The following DTNA variants were observed in gnomAD, a reference collection of about 807,000 sequenced individuals.
DTNA encodes the protein dystrophin-related protein 3.
DTNA carries 43 observed loss-of-function variants against 100.7 expected under a neutral mutation model. The ratio of observed to expected loss-of-function variants is 0.43; its 90% CI spans 0.33 to 0.55. The LOEUF (loss-of-function observed/expected upper bound fraction) is 0.55. DTNA is among the 20% of genes least tolerant of loss of function. The pLI is 0.04. For synonymous variants in DTNA, 349 were observed against 347.9 expected (o/e 1.00, Z -0.04); for missense variants, 798 against 953.9 (o/e 0.84, Z 2.15).
At chr18:34,578,393 A>G (rs2048317060) in intron 1 of DTNA, among the ~76,000 whole-genome samples, 2 of 150,458 alleles carry the variant, frequency 1.3e-5, no homozygotes, top group Admixed American at 1.3e-4. Context: ...TCAGATGTAT[A>G]CATTGTGAAT....
At chr18:34,845,378 T>A (rs2096357996) in intron 13 of DTNA, among the ~76,000 whole-genome samples, 1 of 152,172 alleles carries the variant, frequency 6.6e-6, no homozygotes, top group African/African-American at 2.4e-5. Flanking sequence ...GGAGGCTTTT[T>A]AAAAATATAA....
At chr18:34,880,130 G>C (rs964907545) in intron 20 of DTNA, among the ~76,000 whole-genome samples, 1 of 152,166 alleles carries the variant, frequency 6.6e-6, no homozygotes, top group African/African-American at 2.4e-5. Flanking sequence ...TCCAGAATTG[G>C]TGTAAACAAC....
chr18:34,653,098 T>C (rs2073839130), intron 1 of DTNA, among the ~76,000 whole-genome samples: 1 of 152,306 alleles, frequency 6.6e-6, no homozygotes, highest in East Asian at 1.9e-4. Flanking sequence ...GATGGGTGAA[T>C]AGTATGTTTT....
At chr18:34,665,548 T>C (rs572351716) in intron 1 of DTNA, among the ~76,000 whole-genome samples, 1 of 152,306 alleles carries the variant, frequency 6.6e-6, no homozygotes, top group African/African-American at 2.4e-5. Flanking sequence ...ACATTAGGTA[T>C]ATCTCCTAAT....
rs552742262 is a variant in DTNA at position 34,578,968 on chromosome 18, CTTAT to C, written c.-2+85457_-2+85460del. Among the ~76,000 whole-genome samples the C allele has an allele frequency of 1.9e-3, 285 of 151,966 alleles. 1 individual carries two copies. The highest frequency in any genetic ancestry group is 3.0e-3 in the Non-Finnish European group (203 of 67,904). On this transcript the variant is annotated intron_variant, in intron 1 of 19. Transcript: ENST00000283365. ...ACATCTGTTTTTTGTTCCTGTGTTC[CTTAT>C]TTGTTTGCTTTCCTTTGAGCTAATT...
intron 1 of DTNA, among the ~76,000 whole-genome samples, chr18:34,659,199 TTATAAATTTTCTAGTA>T (rs2074819721): frequency 6.6e-6 from 1 of 152,142 alleles, no homozygotes; most frequent in Admixed American, 6.6e-5. Flanking sequence ...ACATATGTAA[TTATAAATTTTCTAGTA>T]GCCACATTAA....
chr18:34,795,093 T>C (rs757772238), intron 4 of DTNA, among the ~76,000 whole-genome samples: 14 of 152,176 alleles, frequency 9.2e-5, no homozygotes, highest in Non-Finnish European at 1.8e-4. Context: ...CCCCCTCCAC[T>C]TCCACTGCTT....
At chr18:34,876,463 C>A (rs992011227) in intron 18 of DTNA, among the ~76,000 whole-genome samples, 1 of 151,734 alleles carries the variant, frequency 6.6e-6, no homozygotes, top group Non-Finnish European at 1.5e-5. Context: ...TAGACACCAC[C>A]AAAACAAAAA....
chr18:34,612,460 A>T (rs749187240), intron 1 of DTNA, among the ~76,000 whole-genome samples: 11 of 152,162 alleles, frequency 7.2e-5, no homozygotes, highest in Non-Finnish European at 1.5e-4. Flanking sequence ...GAATGAACTC[A>T]TAGGAGGCCA....
chr18:34,679,068 TA>T (rs2077740959), intron 1 of DTNA, among the ~76,000 whole-genome samples: 2 of 152,258 alleles, frequency 1.3e-5, no homozygotes, highest in South Asian at 4.1e-4. Flanking sequence ...ATTATGTCAA[TA>T]AAATATCCCA....
chr18:34,681,083 AAT>A (rs1209976288), intron 1 of DTNA, among the ~76,000 whole-genome samples: 5 of 152,100 alleles, frequency 3.3e-5, no homozygotes, highest in African/African-American at 4.8e-5. Flanking sequence ...GCTGATCTTC[AAT>A]TTGATCCACC....
intron 3 of DTNA, among the ~76,000 whole-genome samples, chr18:34,781,194 T>A (rs1184971359): frequency 6.6e-6 from 1 of 152,190 alleles, no homozygotes; most frequent in Non-Finnish European, 1.5e-5. Flanking sequence ...ATCACTCACT[T>A]GATTTTCATT....
intron 1 of DTNA, among the ~76,000 whole-genome samples, chr18:34,701,042 C>T (rs1568255298): frequency 6.6e-6 from 1 of 152,148 alleles, no homozygotes; most frequent in Non-Finnish European, 1.5e-5. Context: ...TTTTCTCTCT[C>T]ACATGCTCCG....
At chr18:34,693,315 A>G (rs1232276372) in intron 1 of DTNA, among the ~76,000 whole-genome samples, 1 of 152,182 alleles carries the variant, frequency 6.6e-6, no homozygotes, top group Non-Finnish European at 1.5e-5. Flanking sequence ...AGAGTCATAG[A>G]ATATCATAGA....
intron 1 of DTNA, among the ~76,000 whole-genome samples, chr18:34,511,169 C>T (rs1302032588): frequency 6.6e-6 from 1 of 152,026 alleles, no homozygotes; most frequent in African/African-American, 2.4e-5. Flanking sequence ...GGCATTCTTA[C>T]CCTACTGGCT....
chr18:34,532,076 A>G (rs983221047), intron 1 of DTNA, among the ~76,000 whole-genome samples: 8 of 152,168 alleles, frequency 5.3e-5, no homozygotes, highest in African/African-American at 1.9e-4. Context: ...CCATTATTGT[A>G]AAAGCCCCTT....
At chr18:34,669,337 G>T (rs953226107) in intron 1 of DTNA, among the ~76,000 whole-genome samples, 1 of 152,092 alleles carries the variant, frequency 6.6e-6, no homozygotes, top group Non-Finnish European at 1.5e-5. Context: ...CGTGAGATGG[G>T]TTTCCTGAAT....
chr18:34,768,532 T>G lies in DTNA; in HGVS notation c.148+2491T>G, dbSNP rs542331120. On this transcript the variant is annotated intron_variant, in intron 3 of 22. Transcript: ENST00000444659. ...CCTCCTGCTCTCTGAGAAAGGCACT[T>G]TCTCATTCTTGGGCATTTCCTTTTC... Among the ~76,000 whole-genome samples the G allele has an allele frequency of 2.6e-5, 4 of 152,282 alleles. 1 individual carries two copies. In the East Asian group the frequency reaches 7.7e-4, roughly 29 times the overall value.
At chr18:34,516,471 C>G (rs2041630448) in intron 1 of DTNA, among the ~76,000 whole-genome samples, 1 of 152,016 alleles carries the variant, frequency 6.6e-6, no homozygotes, top group Non-Finnish European at 1.5e-5. Flanking sequence ...ACTGGTCTGA[C>G]TAAAATTTAC....
Sources: allele counts gnomAD v4.1 joint callset (sites outside exome capture counted in the v4.1 genomes callset), GRCh38; gene constraint gnomAD v4.1.1; transcripts MANE v1.5; gene names NCBI Gene and HGNC (gene_info 2026-07-23, HGNC 2026-07-21).